Variants in SLC9A4 observed in about 807,000 individuals in gnomAD.
SLC9A4 encodes sodium/hydrogen exchanger 4.
A neutral mutation model predicts 67.4 loss-of-function variants in SLC9A4; 63 were observed. The ratio of observed to expected loss-of-function variants is 0.93; its 90% confidence interval spans 0.76 to 1.15. The LOEUF (loss-of-function observed/expected upper bound fraction) is 1.15, where lower values mean the gene tolerates loss of function less well. Among genes scored for constraint, SLC9A4 ranks in the 50% most tolerant of loss-of-function variants. SLC9A4 has a pLI of 0.00. For synonymous variants in SLC9A4, 393 were observed against 367.2 expected, an observed-to-expected ratio of 1.07 and a Z score of -0.80; for missense variants, 1,089 against 987.7, an observed-to-expected ratio of 1.10 and a Z score of -1.38.
At chr2:102,478,789 C>G (rs750097152) in intron 1 of SLC9A4, 50 bp from the exon 2 acceptor site, 74 of 1,569,832 alleles carry the variant, frequency 4.7e-5, no homozygotes, top group Non-Finnish European at 6.3e-5. Flanking sequence ...CTCAGGTACA[C>G]CCAGACCGTT....
intron 11 of SLC9A4, among the ~76,000 whole-genome samples, chr2:102,527,350 T>G (rs1336780573): frequency 6.6e-6 from 1 of 152,202 alleles, no homozygotes; most frequent in Non-Finnish European, 1.5e-5. Flanking sequence ...ATAAATTGCC[T>G]AGTTCACTGA....
intron 2 of SLC9A4, among the ~76,000 whole-genome samples, chr2:102,488,548 CTTTT>C (rs5833020): frequency 2.6e-4 from 32 of 123,996 alleles, no homozygotes; most frequent in African/African-American, 6.3e-4. Context: ...AATCTAATTC[CTTTT>C]TTTTTTTTTT....
intron 2 of SLC9A4, among the ~76,000 whole-genome samples, chr2:102,490,462 C>A (rs1445032328): frequency 6.6e-6 from 1 of 152,172 alleles, no homozygotes; most frequent in Non-Finnish European, 1.5e-5. Flanking sequence ...TGTGACCCTC[C>A]CTAGTATCTC....
At position 102,505,324 on chromosome 2, in the gene SLC9A4, A is replaced by G. The variant is rs77941759; in HGVS notation, c.1051A>G (p.Ile351Val). ...ENVSQTSYTT[I>V]KYFMKMLSSV... is the part of the protein sequence containing the mutation. ...CGTGTCCCAGACATCATACACGACC[A>G]TCAAGTACTTCATGAAGATGCTGAG... The change falls in exon 4 of 12, where the codon ATC becomes GTC. Residue 351 changes from isoleucine (I) to valine (V), a missense_variant. Ile to Val is a conservative substitution (Grantham distance 29). Transcript: ENST00000295269. 1.2e-4 allele frequency: 186 copies of G among 1,614,250 alleles called. No individual in the cohort carries two copies. In the African/African-American group the frequency reaches 1.9e-3, roughly 17 times the overall value.
chr2:102,514,652 G>A (rs1573350676), intron 8 of SLC9A4, among the ~76,000 whole-genome samples: 1 of 152,328 alleles, frequency 6.6e-6, no homozygotes, highest in South Asian at 2.1e-4. Flanking sequence ...TTACATGAGA[G>A]ATGAGTTAAC....
rs756218075 is a variant in SLC9A4, at chr2:102,505,357, A to G, written c.1084A>G (p.Ser362Gly). The G allele has an allele frequency of 1.4e-5, 22 of 1,614,120 alleles. No homozygotes were observed. The Admixed American group carries it at 2.8e-4, about 21-fold the overall frequency. ...CTTCATGAAGATGCTGAGCAGCGTC[A>G]GCGAGACCTTGATCTTCATCTTCAT... Reference protein sequence around the residue: ...KYFMKMLSSVSETLIFIFMGV... With the variant: ...KYFMKMLSSVGETLIFIFMGV... Residue 362 changes from serine (S) to glycine (G), a missense_variant, in exon 4 of 12, where the codon AGC becomes GGC. Transcript: ENST00000295269.
Position 102,505,368 on chromosome 2 carries a change from G to C in SLC9A4, c.1095G>C (p.Leu365Phe). The change falls in exon 4 of 12, where the codon TTG becomes TTC. Residue 365 changes from leucine to phenylalanine, a missense_variant. By Grantham distance (22) the Leu-to-Phe change is conservative. Coordinates refer to ENST00000295269, the MANE Select transcript of SLC9A4 (RefSeq NM_001011552.4). Reference sequence around the variant, plus strand: ...TGCTGAGCAGCGTCAGCGAGACCTTGATCTTCATCTTCATGGGTGTGTCCA... The same window carrying C: ...TGCTGAGCAGCGTCAGCGAGACCTTCATCTTCATCTTCATGGGTGTGTCCA... Reference protein sequence around the residue: ...MKMLSSVSETLIFIFMGVSTV... With the variant: ...MKMLSSVSETFIFIFMGVSTV... 1 of 1,614,236 alleles carries C rather than the reference G, an allele frequency of 6.2e-7. No individual in the cohort carries two copies. Among genetic ancestry groups the C allele is most frequent in the Non-Finnish European group, 8.5e-7 (1 of 1,180,046 alleles).
chr2:102,529,448 C>G (rs1359661784), intron 11 of SLC9A4, among the ~76,000 whole-genome samples: 2 of 152,178 alleles, frequency 1.3e-5, no homozygotes, highest in Non-Finnish European at 2.9e-5. Flanking sequence ...GTCATGGAAA[C>G]TTATGCCTAT....
intron 3 of SLC9A4, among the ~76,000 whole-genome samples, chr2:102,504,810 A>T (rs72993720): frequency 0.16 from 23,926 of 152,250 alleles, 2,248 homozygotes; most frequent in African/African-American, 0.26. Flanking sequence ...TAAAGCCAAT[A>T]AAAAAGAACC....
chr2:102,521,901 C>A (rs1188715487), intron 9 of SLC9A4, among the ~76,000 whole-genome samples: 1 of 152,146 alleles, frequency 6.6e-6, no homozygotes, highest in Admixed American at 6.6e-5. Flanking sequence ...CTCTGGGCGA[C>A]CCTAATGCAC....
chr2:102,521,991 G>A (rs1290869043), intron 9 of SLC9A4, among the ~76,000 whole-genome samples: 1 of 152,148 alleles, frequency 6.6e-6, no homozygotes, highest in Non-Finnish European at 1.5e-5. Context: ...GAAGTCCTTC[G>A]ACTCAGTACA....
At chr2:102,491,307 T>A (rs1000046180) in intron 2 of SLC9A4, among the ~76,000 whole-genome samples, 1 of 144,144 alleles carries the variant, frequency 6.9e-6, no homozygotes, top group East Asian at 2.0e-4. Context: ...TCTTCCCATT[T>A]GTACTAATGC....
chr2:102,505,663 T>C (rs1277003224), intron 4 of SLC9A4, 192 bp downstream of exon 4: 1 of 585,052 alleles, frequency 1.7e-6, no homozygotes, highest in Non-Finnish European at 3.0e-6. Context: ...TAATTAGTGG[T>C]TGATAAGGTT....
chr2:102,514,155 G>T lies in SLC9A4; in HGVS notation c.1625G>T (p.Ser542Ile). The change falls in exon 8 of 12, where the codon AGC becomes ATC. Residue 542 changes from serine (S) to isoleucine (I), a missense_variant. Coordinates refer to ENST00000295269, the MANE Select transcript of SLC9A4 (RefSeq NM_001011552.4). The part of the protein sequence containing the change: ...ILIRKNLPKS[S>I]IVSLYKKLEM... ...ATCAGAAAGAACCTACCCAAATCAA[G>T]CATTGTTTCTTTGTACAAGAAGCTG... is the stretch of plus-strand genomic sequence containing the variant. 6.2e-7 allele frequency: 1 copy of T among 1,614,000 alleles called. No homozygotes were observed. The highest frequency in any genetic ancestry group is 8.5e-7 in the Non-Finnish European group (1 of 1,179,986).
At chr2:102,521,317 CT>C (rs1182867595) in intron 9 of SLC9A4, among the ~76,000 whole-genome samples, 1 of 152,140 alleles carries the variant, frequency 6.6e-6, no homozygotes, top group Admixed American at 6.5e-5. Flanking sequence ...ATCCTTTGGT[CT>C]TTTTTAGTAA....
At chr2:102,521,990 C>T (rs770061758) in intron 9 of SLC9A4, among the ~76,000 whole-genome samples, 4 of 152,158 alleles carry the variant, frequency 2.6e-5, no homozygotes, top group Admixed American at 6.5e-5. Flanking sequence ...TGAAGTCCTT[C>T]GACTCAGTAC....
intron 2 of SLC9A4, among the ~76,000 whole-genome samples, chr2:102,502,672 ACAAT>A (rs1684967926): frequency 6.6e-6 from 1 of 152,194 alleles, no homozygotes; most frequent in Non-Finnish European, 1.5e-5. Flanking sequence ...TGGTGGGCAA[ACAAT>A]CGACCACCCT....
At chr2:102,474,961 G>A (rs1684296352) in intron 1 of SLC9A4, among the ~76,000 whole-genome samples, 1 of 152,148 alleles carries the variant, frequency 6.6e-6, no homozygotes, top group South Asian at 2.1e-4. Flanking sequence ...TTGAGGTCTG[G>A]CAGTTACCTT....
intron 8 of SLC9A4, among the ~76,000 whole-genome samples, chr2:102,518,108 G>T (rs1163706515): frequency 6.6e-6 from 1 of 152,152 alleles, no homozygotes; most frequent in Non-Finnish European, 1.5e-5. Flanking sequence ...TCTCAGTGTG[G>T]CTCCATGAAG....
Sources: allele counts gnomAD v4.1 joint callset (sites outside exome capture counted in the v4.1 genomes callset), GRCh38; gene constraint gnomAD v4.1.1; transcripts MANE v1.5; gene names NCBI Gene and HGNC (gene_info 2026-07-23, HGNC 2026-07-21).